Variants in MTRF1 observed in about 807,000 individuals in gnomAD.
MTRF1 encodes peptide chain release factor 1, mitochondrial.
In MTRF1, 51 loss-of-function variants were observed where a neutral mutation model predicts 62.9. That is an observed-to-expected ratio of 0.81 (90% confidence interval 0.65 to 1.02). The LOEUF is 1.02. Ranked by LOEUF, MTRF1 falls within the 50% of genes least tolerant of loss-of-function variation. The pLI is 0.00. For missense variants in MTRF1, 446 were observed against 530.0 expected, an observed-to-expected ratio of 0.84 and a Z score of 1.56; for synonymous variants, 158 against 181.9, an observed-to-expected ratio of 0.87 and a Z score of 1.06.
At chr13:41,285,303 G>C in the MTRF1 span, among the ~76,000 whole-genome samples, 1 of 152,106 alleles carries the variant, frequency 6.6e-6, no homozygotes, top group Non-Finnish European at 1.5e-5. Flanking sequence ...CTCCCAACTT[G>C]GTTGGCGTGT....
the MTRF1 span, among the ~76,000 whole-genome samples, chr13:41,306,089 G>GA: frequency 1.3e-3 from 193 of 152,166 alleles, 1 homozygote; most frequent in African/African-American, 4.4e-3. Flanking sequence ...TTCTTTCTCG[G>GA]AAAAAAGAGC....
At chr13:41,296,313 A>G in the MTRF1 span, among the ~76,000 whole-genome samples, 1 of 152,142 alleles carries the variant, frequency 6.6e-6, no homozygotes, top group East Asian at 1.9e-4. Flanking sequence ...GCCTCAAGCA[A>G]TCCTCCCACC....
intron 8 of MTRF1, among the ~76,000 whole-genome samples, chr13:41,224,685 G>A (rs75996217): frequency 0.015 from 2,355 of 152,286 alleles, 47 homozygotes; most frequent in Middle Eastern, 0.037. Flanking sequence ...CTTGTTAGGT[G>A]ATCAGTGGAA....
At chr13:41,232,325 TA>T (rs1407982702) in intron 7 of MTRF1, among the ~76,000 whole-genome samples, 2 of 97,162 alleles carry the variant, frequency 2.1e-5, no homozygotes, top group Non-Finnish European at 5.1e-5. Context: ...GAAAAAGAAC[TA>T]AAAAACAAAG....
the MTRF1 span, among the ~76,000 whole-genome samples, chr13:41,302,517 G>C: frequency 6.6e-6 from 1 of 151,616 alleles, no homozygotes; most frequent in Admixed American, 6.6e-5. Context: ...AAACACACTA[G>C]ATCTGGATTT....
intron 7 of MTRF1, among the ~76,000 whole-genome samples, chr13:41,232,797 A>C (rs1201077247): frequency 6.6e-6 from 1 of 152,218 alleles, no homozygotes; most frequent in Non-Finnish European, 1.5e-5. Flanking sequence ...CAGCTGGTCC[A>C]CACTGAAGCA....
rs1233968084 is a variant in MTRF1, at chr13:41,252,770, A to G, written c.590-18T>C. 5.6e-6 allele frequency: 9 copies of G among 1,606,924 alleles called. No individual in the cohort carries two copies. Among genetic ancestry groups the G allele is most frequent in the Non-Finnish European group, 7.7e-6 (9 of 1,174,222 alleles). On this transcript the variant is annotated intron_variant, in intron 4 of 9. Coordinates refer to ENST00000379480, the MANE Select transcript of MTRF1 (RefSeq NM_004294.4). ...GATGTCACCTAAAACAAAATACGAA[A>G]AATATTTAGTCAGGACAAATTTCGG...
At position 41,220,708 on chromosome 13, in the gene MTRF1, G is replaced by C. The variant is rs1330047049; in HGVS notation, c.1224+2548C>G. ...TTCTTTCTGTCTATTTCTCATTTTTGCTTTTCTCTGTGTATCAATTTCATT... is the reference window on the plus strand; with the variant it reads ...TTCTTTCTGTCTATTTCTCATTTTTCCTTTTCTCTGTGTATCAATTTCATT... On this transcript the variant is annotated intron_variant, in intron 9 of 9. Transcript: ENST00000379480. 1.3e-5 allele frequency: 10 copies of C among 769,910 alleles called. No individual in the cohort carries two copies. In the South Asian group the frequency reaches 1.5e-4, roughly 11 times the overall value. 47.7% of individuals were successfully genotyped at this position (769,910 alleles called of 1,614,324 possible).
At chr13:41,237,218 CAAAAAAAAAAAA>C (rs11412273) in intron 6 of MTRF1, among the ~76,000 whole-genome samples, 1 of 63,896 alleles carries the variant, frequency 1.6e-5, no homozygotes, top group Non-Finnish European at 2.7e-5. Context: ...GAATCTGTCT[CAAAAAAAAAAAA>C]AAAAAAAAAG....
At chr13:41,274,175 T>C in the MTRF1 span, among the ~76,000 whole-genome samples, 2 of 152,182 alleles carry the variant, frequency 1.3e-5, no homozygotes, top group African/African-American at 4.8e-5. Context: ...CACACAAACC[T>C]TCTCTATCTG....
At chr13:41,226,858 C>T (rs2034522779) in intron 7 of MTRF1, among the ~76,000 whole-genome samples, 1 of 152,164 alleles carries the variant, frequency 6.6e-6, no homozygotes, top group South Asian at 2.1e-4. Flanking sequence ...CCTAGCTCAT[C>T]CGGGCATTTC....
chr13:41,298,027 C>CT, the MTRF1 span, among the ~76,000 whole-genome samples: 150 of 151,048 alleles, frequency 9.9e-4, no homozygotes, highest in East Asian at 5.2e-3. Flanking sequence ...TACATTTTCC[C>CT]TTTTTTTTTG....
intron 7 of MTRF1, among the ~76,000 whole-genome samples, chr13:41,227,904 T>G (rs1472812538): frequency 1.3e-5 from 2 of 152,252 alleles, no homozygotes; most frequent in African/African-American, 2.4e-5. Flanking sequence ...CTGGTTGGAC[T>G]GGGGGCACTG....
At chr13:41,217,316 C>A in intron 9 of MTRF1, 88 bp from the exon 10 acceptor site, 2 of 731,412 alleles carry the variant, frequency 2.7e-6, no homozygotes, top group South Asian at 4.2e-5. Flanking sequence ...TCTTTGCAGT[C>A]ATTATTTAAT....
At chr13:41,219,060 G>A (rs1313297051) in intron 9 of MTRF1, among the ~76,000 whole-genome samples, 3 of 148,008 alleles carry the variant, frequency 2.0e-5, no homozygotes, top group Admixed American at 6.9e-5. Flanking sequence ...CAAGGCTGAC[G>A]CGGGCAGATC....
chr13:41,262,790 A>T (rs1473209332), intron 1 of MTRF1, among the ~76,000 whole-genome samples: 1 of 152,190 alleles, frequency 6.6e-6, no homozygotes, highest in Non-Finnish European at 1.5e-5. Context: ...GTGAGACTCA[A>T]CTCAAAAAAA....
At chr13:41,296,027 T>C in the MTRF1 span, among the ~76,000 whole-genome samples, 1 of 152,180 alleles carries the variant, frequency 6.6e-6, no homozygotes, top group African/African-American at 2.4e-5. Context: ...CACAACTTGC[T>C]GTAATTTTGA....
chr13:41,231,619 T>C (rs2035572864), intron 7 of MTRF1, among the ~76,000 whole-genome samples: 5 of 152,034 alleles, frequency 3.3e-5, no homozygotes. Context: ...ATAAAAAAGC[T>C]GATTAATCCT....
At chr13:41,310,627 G>A in the MTRF1 span, among the ~76,000 whole-genome samples, 571 of 152,266 alleles carry the variant, frequency 3.8e-3, 4 homozygotes, top group Non-Finnish European at 3.5e-3. Flanking sequence ...CCCAGATAGC[G>A]CCACTGCACT....
Sources: gnomAD v4.1 joint callset for allele counts (sites outside exome capture counted in the v4.1 genomes callset) on GRCh38, gnomAD v4.1.1 for gene constraint, MANE v1.5 for transcripts, NCBI Gene and HGNC (gene_info 2026-07-23, HGNC 2026-07-21) for gene names.